Variants in MTFR2 observed in about 807,000 individuals in gnomAD.
MTFR2 encodes the protein DUF729 domain-containing protein 1.
In MTFR2, 44 loss-of-function variants were observed where a neutral mutation model predicts 41.2. The ratio of observed to expected loss-of-function variants is 1.07; its 90% CI spans 0.84 to 1.37. The LOEUF is 1.37. MTFR2 is among the 40% of genes most tolerant of loss of function. The pLI, the probability that MTFR2 is intolerant of heterozygous loss-of-function variation, is 0.00. For missense variants in MTFR2, 452 were observed against 459.5 expected, an observed-to-expected ratio of 0.98 and a Z score of 0.15; for synonymous variants, 141 against 154.6, an observed-to-expected ratio of 0.91 and a Z score of 0.65.
Position 136,232,161 on chromosome 6 carries a change from T to TAC in MTFR2, c.1045-775_1045-774dup, listed in dbSNP as rs534551746. ...GTCAACATGCTAAACATCAGATATA[T>TAC]ACACACACACACACAATGGTGAGCA... is the stretch of plus-strand genomic sequence containing the variant. On this transcript the variant is annotated intron_variant, in intron 7 of 7. Transcript: ENST00000420702. Among the ~76,000 whole-genome samples the TAC allele has an allele frequency of 1.8e-4, 28 of 151,762 alleles. No homozygotes were observed. In the South Asian group the frequency reaches 1.9e-3, roughly 10 times the overall value.
At chr6:136,235,341 C>T (rs1035229446) in intron 6 of MTFR2, among the ~76,000 whole-genome samples, 2 of 148,680 alleles carry the variant, frequency 1.3e-5, no homozygotes, top group Non-Finnish European at 2.9e-5. Context: ...ACCTGTGAGA[C>T]AGGCAAATAA....
In MTFR2 at chr6:136,245,065, T is replaced by C. The variant is rs373810665; in HGVS notation, c.64-196A>G. Among the ~76,000 whole-genome samples, 40 of 152,222 alleles carry C rather than the reference T, an allele frequency of 2.6e-4. 2 individuals carry two copies. The highest frequency in any genetic ancestry group is 5.8e-4 in the East Asian group (3 of 5,178). On this transcript the variant is annotated intron_variant, in intron 2 of 7. Coordinates refer to ENST00000420702, the MANE Select transcript of MTFR2 (RefSeq NM_001099286.3). ...AGCCTTTCTTCAAAGAATAGAACTT[T>C]GTGAGTATTTGTCTTAAAAAGAGAT...
intron 4 of MTFR2, 27 bp downstream of exon 4, chr6:136,242,834 C>G: frequency 6.4e-7 from 1 of 1,555,136 alleles, no homozygotes; most frequent in Non-Finnish European, 8.8e-7. Context: ...TTATAGCCCA[C>G]TTCCCAAGAT....
At chr6:136,231,891 C>T (rs1186890102) in intron 7 of MTFR2, among the ~76,000 whole-genome samples, 2 of 152,088 alleles carry the variant, frequency 1.3e-5, no homozygotes, top group African/African-American at 4.8e-5. Flanking sequence ...AAACCAAGTT[C>T]TAGTCTCTGC....
chr6:136,244,472 G>A (rs889024192), intron 3 of MTFR2, among the ~76,000 whole-genome samples: 1 of 152,118 alleles, frequency 6.6e-6, no homozygotes, highest in Non-Finnish European at 1.5e-5. Flanking sequence ...GTGCATAATA[G>A]GCCATATACC....
Position 136,231,063 on chromosome 6 carries a change from T to C in MTFR2, c.*212A>G, listed in dbSNP as rs1013406178. The C allele has an allele frequency of 9.0e-6, 4 of 443,398 alleles. No homozygotes were observed. The highest frequency in any genetic ancestry group is 4.0e-5 in the Admixed American group (1 of 24,738). The allele number at this position is 443,398 out of a possible 1,614,324, so 27.5% of individuals were successfully genotyped here. The stretch of plus-strand genomic sequence containing the variant: ...AAAAGAATGTTTATTTTAAGCTCTA[T>C]GTACAGAAGAACAGAGTATAAACGT... On this transcript the variant is annotated 3_prime_UTR_variant, in exon 8 of 8. Coordinates refer to ENST00000420702, the MANE Select transcript of MTFR2 (RefSeq NM_001099286.3).
chr6:136,239,908 A>T (rs1780012306), intron 5 of MTFR2, 88 bp from the exon 6 acceptor site: 1 of 1,112,678 alleles, frequency 9.0e-7, no homozygotes, highest in African/African-American at 1.6e-5. Context: ...CCAAAACAGG[A>T]GCAATTTCTG....
chr6:136,233,563 CA>C, intron 6 of MTFR2, 64 bp from the exon 7 acceptor site: 1 of 1,229,332 alleles, frequency 8.1e-7, no homozygotes, highest in Non-Finnish European at 1.1e-6. Context: ...TCCTTGTTGA[CA>C]AACATGGCAG....
intron 6 of MTFR2, among the ~76,000 whole-genome samples, chr6:136,237,826 A>AG (rs1421790763): frequency 1.3e-5 from 2 of 152,002 alleles, no homozygotes; most frequent in Admixed American, 6.6e-5. Context: ...AAAAAAAAAA[A>AG]GAATAAAAGA....
chr6:136,240,956 T>C (rs547174970), intron 5 of MTFR2, among the ~76,000 whole-genome samples: 118 of 152,246 alleles, frequency 7.8e-4, no homozygotes, highest in East Asian at 9.7e-4. Context: ...CCGAGCGTGG[T>C]GGCGGGCGCC....
chr6:136,249,075 T>C lies in MTFR2; in HGVS notation c.25A>G (p.Arg9Gly). MSLILNILREMLEYFGVPV... is the reference protein window; with the variant it reads MSLILNILGEMLEYFGVPV... ...ACGCCAAAATATTCCAGCATCTCTC[T>C]TAAGATATTCAGTATGAGAGACATT... The change falls in exon 2 of 8, where the codon AGA becomes GGA. Residue 9 changes from arginine (R) to glycine (G), a missense_variant. Physicochemically the swap from Arg to Gly is moderately radical, Grantham distance 125 (BLOSUM62 -2). Transcript: ENST00000420702. 1 of 1,597,578 alleles carries C rather than the reference T, an allele frequency of 6.3e-7. No individual in the cohort carries two copies. Among genetic ancestry groups the C allele is most frequent in the Non-Finnish European group, 8.5e-7 (1 of 1,175,860 alleles).
chr6:136,244,060 A>G (rs1432269764), intron 3 of MTFR2, among the ~76,000 whole-genome samples: 2 of 152,210 alleles, frequency 1.3e-5, no homozygotes, highest in African/African-American at 2.4e-5. Context: ...TATTATTACA[A>G]AAGAGTCAAA....
rs1166680793 is a variant in MTFR2, at chr6:136,241,562, C to A, written c.396G>T (p.Leu132=). 6.2e-7 allele frequency: 1 copy of A among 1,614,022 alleles called. No homozygotes were observed. The highest frequency in any genetic ancestry group is 2.2e-5 in the East Asian group (1 of 44,878). The stretch of plus-strand genomic sequence containing the variant: ...TTCTAATTGCAGCTTCATTTACAGG[C>A]AGGTCATTTTTCACAGTTTCTTTCT... ...VRQKETVKND[L]PVNEAAIRKI... The change falls in exon 5 of 8, where the codon CTG becomes CTT. Residue 132 remains leucine, a synonymous_variant. Coordinates refer to ENST00000420702, the MANE Select transcript of MTFR2 (RefSeq NM_001099286.3).
chr6:136,234,921 G>A (rs564963390), intron 6 of MTFR2, among the ~76,000 whole-genome samples: 6 of 152,210 alleles, frequency 3.9e-5, no homozygotes, highest in East Asian at 3.9e-4. Flanking sequence ...TTTTTGAGAC[G>A]GAGTCTCGCT....
intron 2 of MTFR2, chr6:136,247,668 TC>T (rs1780249573): frequency 2.5e-6 from 1 of 403,162 alleles, no homozygotes; most frequent in African/African-American, 2.1e-5. Context: ...TGATCCCACC[TC>T]CCTTCCTGAT....
At chr6:136,243,666 T>C (rs951230510) in intron 3 of MTFR2, among the ~76,000 whole-genome samples, 1 of 150,544 alleles carries the variant, frequency 6.6e-6, no homozygotes, top group Non-Finnish European at 1.5e-5. Flanking sequence ...TGAGCCGTTA[T>C]CACGCGACTC....
intron 6 of MTFR2, among the ~76,000 whole-genome samples, chr6:136,234,033 G>A (rs1365400860): frequency 6.6e-6 from 1 of 151,910 alleles, no homozygotes; most frequent in Non-Finnish European, 1.5e-5. Flanking sequence ...TAAGAGCTGT[G>A]AATAAAACAA....
chr6:136,241,439 C>G lies in MTFR2; in HGVS notation c.514+5G>C. The G allele has an allele frequency of 6.2e-7, 1 of 1,605,772 alleles. No homozygotes were observed. The highest frequency in any genetic ancestry group is 1.1e-5 in the South Asian group (1 of 90,102). The stretch of plus-strand genomic sequence containing the variant: ...AACTGAAACAAAAATCCTACTGTTA[C>G]TTACTAGAATTTGTACTATTTTTCA... On this transcript the variant is annotated splice_donor_5th_base_variant and intron_variant, in intron 5 of 7. Transcript: ENST00000420702.
intron 3 of MTFR2, among the ~76,000 whole-genome samples, chr6:136,244,018 G>A (rs1780152706): frequency 6.6e-6 from 1 of 151,992 alleles, no homozygotes; most frequent in African/African-American, 2.4e-5. Flanking sequence ...AAAATATTTT[G>A]TATAGCAGTA....
Sources: gnomAD v4.1 joint callset for allele counts (sites outside exome capture counted in the v4.1 genomes callset) on GRCh38, gnomAD v4.1.1 for gene constraint, MANE v1.5 for transcripts, NCBI Gene and HGNC (gene_info 2026-07-23, HGNC 2026-07-21) for gene names.